Variants in TRIM61 observed in about 807,000 individuals in gnomAD.
TRIM61 encodes putative tripartite motif-containing protein 61.
In TRIM61, 1 loss-of-function variant was observed where a neutral mutation model predicts 14.2. That is an observed-to-expected ratio of 0.07 (90% CI 0.03 to 0.33). The LOEUF is 0.33. Ranked by LOEUF, TRIM61 falls within the 10% of genes least tolerant of loss-of-function variation. The pLI is 0.99. For missense variants in TRIM61, 19 were observed against 202.2 expected (o/e 0.09, Z 5.49); for synonymous variants, 8 against 71.6 (o/e 0.11, Z 4.49).
At chr4:164,955,120 T>G (rs908808731) in intron 3 of TRIM61, 1 of 185,778 alleles carries the variant, frequency 5.4e-6, no homozygotes, top group African/African-American at 2.6e-5. Flanking sequence ...AAAAAAAAAA[T>G]TATTATGGTA....
At chr4:164,966,971 C>T (rs887401803) in intron 3 of TRIM61, among the ~76,000 whole-genome samples, 1 of 151,918 alleles carries the variant, frequency 6.6e-6, no homozygotes, top group Non-Finnish European at 1.5e-5. Flanking sequence ...CTGTATTACA[C>T]AGGAAGAGAT....
intron 3 of TRIM61, chr4:164,957,358 AG>A: frequency 4.3e-6 from 7 of 1,614,046 alleles, no homozygotes; most frequent in Non-Finnish European, 5.9e-6. Context: ...CGAAATTGCC[AG>A]GCCACTCCAA....
At chr4:164,957,012 T>A in intron 3 of TRIM61, 1 of 1,490,044 alleles carries the variant, frequency 6.7e-7, no homozygotes, top group Non-Finnish European at 8.9e-7. Context: ...CAGCGCCATG[T>A]ACCACAGTGG....
At chr4:164,972,123 GC>G (rs1732381219) in intron 2 of TRIM61, among the ~76,000 whole-genome samples, 1 of 152,174 alleles carries the variant, frequency 6.6e-6, no homozygotes, top group African/African-American at 2.4e-5. Context: ...AGCTATCACA[GC>G]AACATGCTAC....
chr4:164,975,802 C>G (rs1013229494), intron 2 of TRIM61, among the ~76,000 whole-genome samples: 4 of 152,110 alleles, frequency 2.6e-5, no homozygotes, highest in African/African-American at 9.7e-5. Flanking sequence ...GCCTGACACC[C>G]GTAAAGGGTC....
intron 3 of TRIM61, chr4:164,958,949 C>A (rs868435621): frequency 6.0e-6 from 1 of 167,046 alleles, no homozygotes; most frequent in Non-Finnish European, 1.5e-5. Flanking sequence ...TCTCGCACCA[C>A]CCAGGCACAT....
intron 3 of TRIM61, chr4:164,968,392 A>G: frequency 2.0e-6 from 2 of 982,872 alleles, no homozygotes; most frequent in Non-Finnish European, 2.4e-6. Context: ...TAGAATTTCT[A>G]AAGTACCTTG....
In TRIM61 at chr4:164,957,285, C is replaced by T. The variant is rs145065107; in HGVS notation, c.526-2189G>A. ...AAGCGAATCGTTTTCTCCGCGTGCC[C>T]TGTCAGCCGCTCATGGTGCCCAGAG... On this transcript the variant is annotated intron_variant, in intron 3 of 4. Coordinates refer to ENST00000329314, the MANE Select transcript of TRIM61 (RefSeq NM_001012414.3). 59 of 1,614,076 alleles carry T rather than the reference C, an allele frequency of 3.7e-5. No individual in the cohort carries two copies. In the African/African-American group the frequency reaches 7.5e-4, roughly 20 times the overall value.
intron 3 of TRIM61, chr4:164,956,838 G>T (rs9762579): frequency 0.51 from 310,092 of 609,242 alleles, 82,604 homozygotes; most frequent in East Asian, 0.71. Flanking sequence ...GGCTCTCAAG[G>T]GGCTTCAGCA....
At chr4:164,973,531 G>A (rs80223153) in intron 2 of TRIM61, among the ~76,000 whole-genome samples, 221 of 152,290 alleles carry the variant, frequency 1.5e-3, no homozygotes, top group East Asian at 6.0e-3. Context: ...AATACAAACT[G>A]AGAGCTAACA....
intron 2 of TRIM61, among the ~76,000 whole-genome samples, chr4:164,970,717 T>C (rs1732346448): frequency 6.6e-6 from 1 of 152,006 alleles, no homozygotes. Context: ...GTTTCTACAT[T>C]TAAGGAGAGG....
chr4:164,969,086 C>T (rs1486039401), intron 3 of TRIM61: 43 of 1,090,250 alleles, frequency 3.9e-5, no homozygotes, highest in Middle Eastern at 4.3e-4. Flanking sequence ...TATAAGTTTA[C>T]GATGTGCTGT....
rs1731936086 is a variant in TRIM61 at position 164,954,637 on chromosome 4, T to G, written c.*148A>C. 1 of 152,168 alleles carries G rather than the reference T, an allele frequency of 6.6e-6. No homozygotes were observed. The highest frequency in any genetic ancestry group is 1.5e-5 in the Non-Finnish European group (1 of 68,036). The allele number at this position is 152,168 out of a possible 1,614,324, so 9.4% of individuals were successfully genotyped here. On this transcript the variant is annotated 3_prime_UTR_variant, in exon 5 of 5. Transcript: ENST00000329314. ...ATACCTTACAAATGTAATTAAAATT[T>G]TATTATGGTATAGGAACATATACAT...
chr4:164,977,322 T>C (rs970707837), intron 1 of TRIM61, among the ~76,000 whole-genome samples: 2 of 152,122 alleles, frequency 1.3e-5, no homozygotes, highest in Non-Finnish European at 2.9e-5. Flanking sequence ...TCATAACATT[T>C]AAAGCTTAAT....
intron 3 of TRIM61, 34 bp downstream of exon 3, chr4:164,968,246 AC>A: frequency 1.0e-6 from 1 of 979,594 alleles, no homozygotes; most frequent in Non-Finnish European, 1.2e-6. Flanking sequence ...TTTAATAAAG[AC>A]TTAATCTTTC....
chr4:164,967,374 C>T (rs1732266538), intron 3 of TRIM61, among the ~76,000 whole-genome samples: 1 of 152,270 alleles, frequency 6.6e-6, no homozygotes, highest in African/African-American at 2.4e-5. Context: ...AAATGTCACC[C>T]ATCTGTGATC....
chr4:164,975,745 A>G (rs1421768053), intron 2 of TRIM61, among the ~76,000 whole-genome samples: 1 of 151,864 alleles, frequency 6.6e-6, no homozygotes, highest in Non-Finnish European at 1.5e-5. Context: ...CCCATGTGAT[A>G]GTCTGAAATA....
intron 3 of TRIM61, among the ~76,000 whole-genome samples, chr4:164,967,404 C>A (rs2111143833): frequency 6.6e-6 from 1 of 152,180 alleles, no homozygotes; most frequent in Admixed American, 6.5e-5. Flanking sequence ...ATGTTAATTC[C>A]TGAATTAACA....
intron 2 of TRIM61, among the ~76,000 whole-genome samples, chr4:164,972,393 T>C (rs1732389008): frequency 6.6e-6 from 1 of 152,250 alleles, no homozygotes; most frequent in Non-Finnish European, 1.5e-5. Context: ...GAGCCATGTA[T>C]TGCATTTGCT....
Sources: allele counts gnomAD v4.1 joint callset (sites outside exome capture counted in the v4.1 genomes callset), GRCh38; gene constraint gnomAD v4.1.1; transcripts MANE v1.5; gene names NCBI Gene and HGNC (gene_info 2026-07-23, HGNC 2026-07-21).